RBM20: variants seen among roughly 807,000 people sequenced by gnomAD.
RBM20 encodes the protein RNA binding motif protein 20.
In RBM20, 51 loss-of-function variants were observed where a neutral mutation model predicts 110.1. The observed-to-expected ratio is 0.46, with a 90% CI of 0.37 to 0.59. RBM20 has a LOEUF of 0.59. RBM20 is among the 20% of genes least tolerant of loss of function. The pLI is 0.00. For missense variants in RBM20, 1,512 were observed against 1,574.9 expected, an observed-to-expected ratio of 0.96 and a Z score of 0.68; for synonymous variants, 589 against 618.2, an observed-to-expected ratio of 0.95 and a Z score of 0.70.
Position 110,823,461 on chromosome 10 carries a change from C to A in RBM20, c.3317-19C>A. 1.1e-6 allele frequency: 1 copy of A among 901,912 alleles called. No individual in the cohort carries two copies. The highest frequency in any genetic ancestry group is 1.5e-6 in the Non-Finnish European group (1 of 688,940). The allele number at this position is 901,912 out of a possible 1,614,324, so 55.9% of individuals were successfully genotyped here. A position where few individuals can be genotyped will look rare whatever the true frequency, so the allele number is the denominator to read the frequency against. ...TTTTTTTTTTTTTTTTTTTTTTTGCCTTGGTTCATGTTTTGCAGAAAACTC... is the reference window on the plus strand; with the variant it reads ...TTTTTTTTTTTTTTTTTTTTTTTGCATTGGTTCATGTTTTGCAGAAAACTC... On this transcript the variant is annotated intron_variant, in intron 11 of 13. Coordinates refer to ENST00000369519, the MANE Select transcript of RBM20 (RefSeq NM_001134363.3).
intron 1 of RBM20, among the ~76,000 whole-genome samples, chr10:110,709,338 A>C (rs189957409): frequency 6.6e-6 from 1 of 152,220 alleles, no homozygotes; most frequent in East Asian, 1.9e-4. Flanking sequence ...ACGCTTGCCT[A>C]GGAGAGGGCA....
chr10:110,780,771 C>A, intron 1 of RBM20, 30 bp from the exon 2 acceptor site: 1 of 1,476,740 alleles, frequency 6.8e-7, no homozygotes. Flanking sequence ...TGAAAACCAG[C>A]TGTGCATCTA....
At chr10:110,734,677 G>A (rs1339201503) in intron 1 of RBM20, among the ~76,000 whole-genome samples, 1 of 146,330 alleles carries the variant, frequency 6.8e-6, no homozygotes. Flanking sequence ...AACCCATTGA[G>A]GTCAGTAATT....
Position 110,812,673 on chromosome 10 carries a change from A to G in RBM20, c.2276A>G (p.Tyr759Cys), listed in dbSNP as rs1463526980. The change falls in exon 9 of 14, where the codon TAC (tyrosine) becomes TGC (cysteine). Residue 759 changes from tyrosine to cysteine, a missense_variant. Coordinates refer to ENST00000369519, the MANE Select transcript of RBM20 (RefSeq NM_001134363.3). ...VSSYKSREDG[Y>C]YRKEPKAKSD... ...AGCTACAAAAGCCGTGAAGACGGCT[A>G]CTACCGGAAAGAGCCCAAAGCCAAG... 15 of 1,551,628 alleles carry G rather than the reference A, an allele frequency of 9.7e-6. No individual in the cohort carries two copies. Among genetic ancestry groups the G allele is most frequent in the Non-Finnish European group, 1.1e-5 (13 of 1,147,014 alleles).
At chr10:110,780,760 T>G in intron 1 of RBM20, 41 bp from the exon 2 acceptor site, 1 of 1,469,986 alleles carries the variant, frequency 6.8e-7, no homozygotes, top group Non-Finnish European at 9.0e-7. Flanking sequence ...GCCCCCCTCA[T>G]TGAAAACCAG....
chr10:110,731,979 G>A (rs1360008240), intron 1 of RBM20, among the ~76,000 whole-genome samples: 3 of 152,092 alleles, frequency 2.0e-5, no homozygotes, highest in Admixed American at 6.5e-5. Flanking sequence ...TCTTCTCCAT[G>A]TGCACCTTCA....
chr10:110,754,596 C>T (rs961948675), intron 1 of RBM20, among the ~76,000 whole-genome samples: 1 of 152,182 alleles, frequency 6.6e-6, no homozygotes, highest in African/African-American at 2.4e-5. Context: ...TTAATTCTCT[C>T]TTCTATTGTT....
chr10:110,771,233 C>G (rs572834574), intron 1 of RBM20, among the ~76,000 whole-genome samples: 1 of 151,996 alleles, frequency 6.6e-6, no homozygotes, highest in African/African-American at 2.4e-5. Context: ...CTCAGCGATT[C>G]TCCTGCCTCA....
chr10:110,745,853 G>A (rs747386230), intron 1 of RBM20, among the ~76,000 whole-genome samples: 1 of 152,244 alleles, frequency 6.6e-6, no homozygotes, highest in Non-Finnish European at 1.5e-5. Flanking sequence ...AAATAGCGAT[G>A]TATGCCCTGC....
intron 1 of RBM20, among the ~76,000 whole-genome samples, chr10:110,754,694 T>C (rs1018437223): frequency 3.9e-5 from 6 of 152,266 alleles, no homozygotes; most frequent in African/African-American, 1.4e-4. Context: ...CTTTTCCAAA[T>C]CTACTAAGTC....
chr10:110,661,715 T>C (rs1156652894), intron 1 of RBM20, among the ~76,000 whole-genome samples: 2 of 151,916 alleles, frequency 1.3e-5, no homozygotes, highest in Non-Finnish European at 2.9e-5. Flanking sequence ...ATTTGAGAGA[T>C]GTTGAAAGTA....
intron 7 of RBM20, among the ~76,000 whole-genome samples, chr10:110,809,464 G>C (rs1003455223): frequency 6.6e-6 from 1 of 151,934 alleles, no homozygotes; most frequent in African/African-American, 2.4e-5. Context: ...TGCTCCTGTT[G>C]CCTTTTGTGC....
chr10:110,690,487 T>A (rs1416598646), intron 1 of RBM20, among the ~76,000 whole-genome samples: 1 of 152,114 alleles, frequency 6.6e-6, no homozygotes, highest in Non-Finnish European at 1.5e-5. Context: ...CCACACTATT[T>A]CCTTAACTTT....
intron 1 of RBM20, among the ~76,000 whole-genome samples, chr10:110,741,932 G>C (rs926383123): frequency 6.6e-6 from 1 of 152,130 alleles, no homozygotes; most frequent in Non-Finnish European, 1.5e-5. Flanking sequence ...CCCCATGGAC[G>C]TACACTCCTC....
chr10:110,650,181 T>A (rs1316699338), intron 1 of RBM20, among the ~76,000 whole-genome samples: 1 of 152,154 alleles, frequency 6.6e-6, no homozygotes, highest in Non-Finnish European at 1.5e-5. Context: ...AAATAACTTG[T>A]GTGTGTTTTG....
intron 1 of RBM20, among the ~76,000 whole-genome samples, chr10:110,659,815 TTCTTCC>T (rs142740615): frequency 0.21 from 30,388 of 147,004 alleles, 3,555 homozygotes; most frequent in Middle Eastern, 0.31. Context: ...CCCCTTCCTC[TTCTTCC>T]TCTTCCTCTT....
chr10:110,755,349 G>A (rs1238970553), intron 1 of RBM20, among the ~76,000 whole-genome samples: 2 of 152,070 alleles, frequency 1.3e-5, no homozygotes, highest in Non-Finnish European at 1.5e-5. Context: ...AATCATCCTC[G>A]AGTCTCTTTA....
chr10:110,713,868 TTCCAGCC>T (rs1222417973), intron 1 of RBM20, among the ~76,000 whole-genome samples: 1 of 152,206 alleles, frequency 6.6e-6, no homozygotes, highest in Non-Finnish European at 1.5e-5. Flanking sequence ...CCAGTGCGTT[TTCCAGCC>T]TACTAAGGAC....
intron 1 of RBM20, among the ~76,000 whole-genome samples, chr10:110,645,012 C>G (rs894656638): frequency 6.6e-6 from 1 of 152,000 alleles, no homozygotes; most frequent in African/African-American, 2.4e-5. Context: ...TGAGTGTGTG[C>G]GCGCGCGTGA....
Sources: gnomAD v4.1 joint callset for allele counts (sites outside exome capture counted in the v4.1 genomes callset) on GRCh38, gnomAD v4.1.1 for gene constraint, MANE v1.5 for transcripts, NCBI Gene and HGNC (gene_info 2026-07-23, HGNC 2026-07-21) for gene names.